Variants in EPSTI1 observed in about 807,000 individuals in gnomAD.
The protein encoded by EPSTI1 is epithelial stromal interaction 1, also known as epithelial-stromal interaction protein 1.
A neutral mutation model predicts 49.9 loss-of-function variants in EPSTI1; 66 were observed. That is an observed-to-expected ratio of 1.32 (90% CI 1.08 to 1.62). The LOEUF (loss-of-function observed/expected upper bound fraction) is 1.62. Among genes scored for constraint, EPSTI1 ranks in the 40% most tolerant of loss-of-function variants. The pLI, the probability that EPSTI1 is intolerant of heterozygous loss-of-function variation, is 0.00. For synonymous variants in EPSTI1, 137 were observed against 130.7 expected, an observed-to-expected ratio of 1.05 and a Z score of -0.33; for missense variants, 394 against 365.5, an observed-to-expected ratio of 1.08 and a Z score of -0.64.
chr13:42,956,020 T>C (rs1314942112), intron 5 of EPSTI1, among the ~76,000 whole-genome samples: 1 of 152,116 alleles, frequency 6.6e-6, no homozygotes, highest in Non-Finnish European at 1.5e-5. Flanking sequence ...AAGTGCCCAT[T>C]CTGGAAAATG....
chr13:42,897,824 A>G (rs1348274551), intron 9 of EPSTI1, among the ~76,000 whole-genome samples: 1 of 152,172 alleles, frequency 6.6e-6, no homozygotes, highest in Non-Finnish European at 1.5e-5. Context: ...AAGAATCTAA[A>G]TGGGAGGGAA....
intron 1 of EPSTI1, among the ~76,000 whole-genome samples, chr13:42,979,074 T>C (rs1349773824): frequency 1.3e-5 from 2 of 152,212 alleles, no homozygotes; most frequent in African/African-American, 4.8e-5. Flanking sequence ...CTGTAAATGG[T>C]AGCATGATTC....
intron 5 of EPSTI1, among the ~76,000 whole-genome samples, chr13:42,955,164 A>T (rs183038357): frequency 9.2e-5 from 14 of 152,324 alleles, no homozygotes; most frequent in Non-Finnish European, 1.8e-4. Flanking sequence ...GAGGCAAACT[A>T]ATGGAAAATT....
At chr13:42,988,298 T>A (rs1352880423) in intron 1 of EPSTI1, among the ~76,000 whole-genome samples, 1 of 152,242 alleles carries the variant, frequency 6.6e-6, no homozygotes, top group Non-Finnish European at 1.5e-5. Context: ...ATTAGAAGTT[T>A]GTGTAAGCTT....
intron 10 of EPSTI1, chr13:42,889,303 T>A: frequency 9.6e-7 from 1 of 1,043,026 alleles, no homozygotes; most frequent in Non-Finnish European, 1.4e-6. Context: ...AATAAATGTA[T>A]ATGTTAAGAA....
intron 6 of EPSTI1, among the ~76,000 whole-genome samples, chr13:42,928,419 G>C (rs1192312384): frequency 6.6e-6 from 1 of 152,170 alleles, no homozygotes; most frequent in Non-Finnish European, 1.5e-5. Context: ...ACTGGACTAA[G>C]AACCCTGGAC....
rs180928929 is a variant in EPSTI1, at chr13:42,922,361, G to A, written c.657+3975C>T. Among the ~76,000 whole-genome samples the A allele has an allele frequency of 1.0e-3, 153 of 152,210 alleles. No homozygotes were observed. The highest frequency in any genetic ancestry group is 4.6e-3 in the South Asian group (22 of 4,812). ...GAGATTAGCCTGGATAGTCCAGGTG[G>A]GCCCATTGTAATCAAAAGGGTCATT... On this transcript the variant is annotated intron_variant, in intron 7 of 10. Transcript: ENST00000313624. This position sits in a 1 kb window ranked among gnomAD's most constrained non-coding sequence, Gnocchi z 4.8.
intron 8 of EPSTI1, among the ~76,000 whole-genome samples, chr13:42,915,513 CAG>C (rs2037804856): frequency 6.6e-6 from 1 of 152,132 alleles, no homozygotes; most frequent in Non-Finnish European, 1.5e-5. Flanking sequence ...ATATGGGTGA[CAG>C]AGTGAGACCT....
chr13:42,889,067 A>G, intron 10 of EPSTI1: 1 of 705,052 alleles, frequency 1.4e-6, no homozygotes. Flanking sequence ...TGAGAAATTA[A>G]AATCTCAGGT....
chr13:42,941,067 C>T (rs540149385), intron 6 of EPSTI1, among the ~76,000 whole-genome samples: 16 of 152,052 alleles, frequency 1.1e-4, no homozygotes, highest in South Asian at 2.1e-4. Flanking sequence ...AAAATTTTTA[C>T]GTACTTAAAG....
intron 7 of EPSTI1, chr13:42,919,163 T>C (rs1182218721): frequency 7.3e-6 from 5 of 681,996 alleles, no homozygotes; most frequent in East Asian, 2.7e-5. Context: ...GTCTTAGTTT[T>C]TGACTCAGAA....
intron 6 of EPSTI1, among the ~76,000 whole-genome samples, chr13:42,942,730 GGACTGCA>G (rs2038796370): frequency 7.6e-6 from 1 of 131,390 alleles, no homozygotes; most frequent in African/African-American, 2.9e-5. Context: ...CGCCCAGGCC[GGACTGCA>G]GACTGCAGTG....
At chr13:42,967,289 TAAA>T (rs747737457) in intron 3 of EPSTI1, among the ~76,000 whole-genome samples, 484 of 28,534 alleles carry the variant, frequency 0.017, 125 homozygotes, top group East Asian at 0.13. Context: ...AAAAATAAAT[TAAA>T]AAAAAAAAAA....
At chr13:42,915,384 T>C (rs915230554) in intron 8 of EPSTI1, among the ~76,000 whole-genome samples, 1 of 152,128 alleles carries the variant, frequency 6.6e-6, no homozygotes, top group Non-Finnish European at 1.5e-5. Context: ...ATACAAAAAT[T>C]AGCTGGGTGA....
intron 10 of EPSTI1, among the ~76,000 whole-genome samples, chr13:42,892,858 G>A (rs957113726): frequency 6.6e-6 from 1 of 152,206 alleles, no homozygotes; most frequent in African/African-American, 2.4e-5. Flanking sequence ...AAGGAATTCA[G>A]CAAAGAGGGA....
At chr13:42,989,156 C>T (rs1032072960) in intron 1 of EPSTI1, among the ~76,000 whole-genome samples, 2 of 151,476 alleles carry the variant, frequency 1.3e-5, no homozygotes, top group Non-Finnish European at 2.9e-5. Context: ...CCCCTGCGCC[C>T]GACCACAAGT....
chr13:42,954,406 C>T (rs185456393), intron 5 of EPSTI1, among the ~76,000 whole-genome samples: 1 of 152,168 alleles, frequency 6.6e-6, no homozygotes, highest in Non-Finnish European at 1.5e-5. Context: ...TTAAACAGCT[C>T]ATACAAAATT....
intron 6 of EPSTI1, among the ~76,000 whole-genome samples, chr13:42,929,799 TG>T (rs2038303461): frequency 6.6e-6 from 1 of 151,520 alleles, no homozygotes; most frequent in South Asian, 2.1e-4. Flanking sequence ...GTGTTTGAAA[TG>T]TTTCTTAAAT....
At chr13:42,947,302 C>CAA (rs57442134) in intron 6 of EPSTI1, among the ~76,000 whole-genome samples, 17 of 124,348 alleles carry the variant, frequency 1.4e-4, no homozygotes, top group African/African-American at 3.1e-4. Context: ...CCAGACATTT[C>CAA]AAAAAAAAAG....
Sources: allele counts gnomAD v4.1 joint callset (sites outside exome capture counted in the v4.1 genomes callset), GRCh38; gene constraint gnomAD v4.1.1; non-coding constraint Gnocchi (gnomAD v3.1); transcripts MANE v1.5; gene names NCBI Gene and HGNC (gene_info 2026-07-23, HGNC 2026-07-21).